SDC3: variants seen among roughly 807,000 people sequenced by gnomAD.
SDC3 encodes the protein syndecan 3.
SDC3 carries 13 observed loss-of-function variants against 24.4 expected under a neutral mutation model. The ratio of observed to expected loss-of-function variants is 0.53; its 90% CI spans 0.35 to 0.85. The LOEUF (loss-of-function observed/expected upper bound fraction) is 0.85, where lower values mean the gene tolerates loss of function less well. Among genes scored for constraint, SDC3 ranks in the 40% least tolerant of loss-of-function variants. The pLI is 0.01. For missense variants in SDC3, 571 were observed against 584.5 expected (o/e 0.98, Z 0.24); for synonymous variants, 295 against 260.9 (o/e 1.13, Z -1.26).
Position 30,908,533 on chromosome 1 carries a change from C to G in SDC3, c.54G>C (p.Gly18=). 3.2e-6 allele frequency: 3 copies of G among 935,482 alleles called. No individual in the cohort carries two copies. Among genetic ancestry groups the G allele is most frequent in the Non-Finnish European group, 3.8e-6 (3 of 790,018 alleles). 57.9% of individuals were successfully genotyped at this position (935,482 alleles called of 1,614,324 possible). A position where few individuals can be genotyped will look rare whatever the true frequency, so the allele number is the denominator to read the frequency against. ...RAGAAHGAGA[G]AGAAAGPGAR... The stretch of plus-strand genomic sequence containing the variant: ...CCCCGGGCCCGGCCGCGGCCCCGGC[C>G]CCGGCGCCGGCCCCGTGGGCGGCCC... Residue 18 remains glycine (G), a synonymous_variant, in exon 1 of 5, where the codon GGG becomes GGC. Coordinates refer to ENST00000339394, the MANE Select transcript of SDC3 (RefSeq NM_014654.4).
chr1:30,891,983 T>C (rs185152224), intron 1 of SDC3, among the ~76,000 whole-genome samples: 2 of 151,810 alleles, frequency 1.3e-5, no homozygotes, highest in African/African-American at 4.8e-5. Context: ...CCCTCAGCAA[T>C]GGGGTGCAGG....
At chr1:30,896,346 T>G (rs1443882273) in intron 1 of SDC3, among the ~76,000 whole-genome samples, 1 of 152,110 alleles carries the variant, frequency 6.6e-6, no homozygotes, top group Non-Finnish European at 1.5e-5. Context: ...AATGTAACCC[T>G]GAGGGGAACC....
At chr1:30,904,374 C>T (rs995629389) in intron 1 of SDC3, among the ~76,000 whole-genome samples, 1 of 152,146 alleles carries the variant, frequency 6.6e-6, no homozygotes, top group African/African-American at 2.4e-5. Context: ...AGCCCCCCCT[C>T]GCTCTCCCCA....
rs1169687777 is a variant in SDC3 at position 30,869,931 on chromosome 1, T to C, written c.*3280A>G. On this transcript the variant is annotated 3_prime_UTR_variant, in exon 5 of 5. Transcript: ENST00000339394. ...TGGTGCCAGGCAGGCACCTGGGGGA[T>C]GCTGGGGCCATCGGCTCTCAGATGG... The C allele has an allele frequency of 2.5e-6, 1 of 398,430 alleles. No homozygotes were observed. The highest frequency in any genetic ancestry group is 2.1e-5 in the African/African-American group (1 of 48,598). 24.7% of individuals were successfully genotyped at this position (398,430 alleles called of 1,614,324 possible).
At position 30,869,536 on chromosome 1, in the gene SDC3, CAAAAA is replaced by C. The variant is rs11338317; in HGVS notation, c.*3670_*3674del. 207 of 348,262 alleles carry C rather than the reference CAAAAA, an allele frequency of 5.9e-4. 1 individual carries two copies. Among genetic ancestry groups the C allele is most frequent in the East Asian group, 5.9e-3 (155 of 26,136 alleles). The allele number at this position is 348,262 out of a possible 1,614,324, so 21.6% of individuals were successfully genotyped here. On this transcript the variant is annotated 3_prime_UTR_variant, in exon 5 of 5. Transcript: ENST00000339394. ...AGGAAGTGTTAAAAAAACAAACAAA[CAAAAA>C]AAAAAAAAAAAAAAAAAAAACAAAA...
At chr1:30,874,022 G>T (rs1639587285) in intron 4 of SDC3, among the ~76,000 whole-genome samples, 1 of 152,148 alleles carries the variant, frequency 6.6e-6, no homozygotes, top group South Asian at 2.1e-4. Context: ...GGAAAGCAGG[G>T]ATCAAAGTCA....
At chr1:30,890,437 T>C (rs922673969) in intron 1 of SDC3, among the ~76,000 whole-genome samples, 1 of 152,192 alleles carries the variant, frequency 6.6e-6, no homozygotes, top group Admixed American at 6.5e-5. Context: ...ATGTCTGGGA[T>C]AGGCAAATCC....
At chr1:30,877,666 C>G (rs1385067080) in intron 2 of SDC3, 1 of 172,726 alleles carries the variant, frequency 5.8e-6, no homozygotes, top group Admixed American at 5.8e-5. Context: ...ACTGCTTGAG[C>G]AATCTGGCTG....
At chr1:30,893,283 A>C (rs1207237721) in intron 1 of SDC3, among the ~76,000 whole-genome samples, 9 of 32,038 alleles carry the variant, frequency 2.8e-4, no homozygotes, top group African/African-American at 3.5e-4. Context: ...CATGGTCCAT[A>C]CCCACCCCAC....
At chr1:30,891,850 C>CA (rs11433428) in intron 1 of SDC3, among the ~76,000 whole-genome samples, 42,547 of 118,526 alleles carry the variant, frequency 0.36, 8,239 homozygotes, top group Non-Finnish European at 0.46. Context: ...GAGACGCCGT[C>CA]AAAAAAAAAA....
Position 30,870,119 on chromosome 1 carries a change from G to A in SDC3, c.*3092C>T, listed in dbSNP as rs897940187. On this transcript the variant is annotated 3_prime_UTR_variant, in exon 5 of 5. Transcript: ENST00000339394. ...CCACTCCTACCCCATGAGGCAGAGGGTCTGCTCCCTGTGTCCAGGGGCCCC... is the reference window on the plus strand; with the variant it reads ...CCACTCCTACCCCATGAGGCAGAGGATCTGCTCCCTGTGTCCAGGGGCCCC... The A allele has an allele frequency of 7.7e-6, 3 of 390,706 alleles. No homozygotes were observed. Among genetic ancestry groups the A allele is most frequent in the African/African-American group, 6.2e-5 (3 of 48,446 alleles). 24.2% of individuals were successfully genotyped at this position (390,706 alleles called of 1,614,324 possible).
intron 1 of SDC3, among the ~76,000 whole-genome samples, chr1:30,882,567 C>A (rs1484811546): frequency 6.6e-6 from 1 of 152,212 alleles, no homozygotes; most frequent in Non-Finnish European, 1.5e-5. Flanking sequence ...CCAGGAGCAC[C>A]CCATCAGGGC....
rs887102512 is a variant in SDC3, at chr1:30,873,063, G to A, written c.*148C>T. 3.7e-5 allele frequency: 25 copies of A among 677,588 alleles called. No homozygotes were observed. Among genetic ancestry groups the A allele is most frequent in the Non-Finnish European group, 6.1e-5 (23 of 377,434 alleles). The allele number at this position is 677,588 out of a possible 1,614,324, so 42.0% of individuals were successfully genotyped here. ...CTTCCTCGGGGAAGATCTGTGTGAGGCTGGCAGCCTGGGCAGACCTTGGGA... is the reference window on the plus strand; with the variant it reads ...CTTCCTCGGGGAAGATCTGTGTGAGACTGGCAGCCTGGGCAGACCTTGGGA... On this transcript the variant is annotated 3_prime_UTR_variant, in exon 5 of 5. Coordinates refer to ENST00000339394, the MANE Select transcript of SDC3 (RefSeq NM_014654.4).
At position 30,870,145 on chromosome 1, in the gene SDC3, C is replaced by T. The variant is rs147029665; in HGVS notation, c.*3066G>A. 5 of 381,420 alleles carry T rather than the reference C, an allele frequency of 1.3e-5. No homozygotes were observed. Among genetic ancestry groups the T allele is most frequent in the African/African-American group, 8.3e-5 (4 of 48,416 alleles). The allele number at this position is 381,420 out of a possible 1,614,324, so 23.6% of individuals were successfully genotyped here. A position where few individuals can be genotyped will look rare whatever the true frequency, so the allele number is the denominator to read the frequency against. Reference sequence around the variant, plus strand: ...TCTGCTCCCTGTGTCCAGGGGCCCCCACCAGGAGGCCTGACAGGCGGCTTT... The same window carrying T: ...TCTGCTCCCTGTGTCCAGGGGCCCCTACCAGGAGGCCTGACAGGCGGCTTT... On this transcript the variant is annotated 3_prime_UTR_variant, in exon 5 of 5. Coordinates refer to ENST00000339394, the MANE Select transcript of SDC3 (RefSeq NM_014654.4).
At position 30,908,735 on chromosome 1, in the gene SDC3, T is replaced by A. The variant is rs183159929; in HGVS notation, c.-149A>T. 0.074 allele frequency: 12,809 copies of A among 173,038 alleles called. 729 individuals are homozygous for A. Among genetic ancestry groups the A allele is most frequent in the East Asian group, 0.28 (1,313 of 4,684 alleles). The allele number at this position is 173,038 out of a possible 1,614,324, so 10.7% of individuals were successfully genotyped here. A position where few individuals can be genotyped will look rare whatever the true frequency, so the allele number is the denominator to read the frequency against. The stretch of plus-strand genomic sequence containing the variant: ...CGGGCTCCCGGCTCGGCCGCCCGGC[T>A]CCGCCTCGCAGCTCCGCGCCCACAG... On this transcript the variant is annotated 5_prime_UTR_variant, in exon 1 of 5. Coordinates refer to ENST00000339394, the MANE Select transcript of SDC3 (RefSeq NM_014654.4).
chr1:30,888,283 C>T (rs987554873), intron 1 of SDC3, among the ~76,000 whole-genome samples: 9 of 152,126 alleles, frequency 5.9e-5, no homozygotes, highest in African/African-American at 1.9e-4. Context: ...CAGGGTGGGA[C>T]GTGGCAGTGG....
chr1:30,909,146 C>A (rs1484977053), upstream of SDC3, among the ~76,000 whole-genome samples: 1 of 152,194 alleles, frequency 6.6e-6, no homozygotes, highest in Non-Finnish European at 1.5e-5. Flanking sequence ...CCCCCTGTGG[C>A]TCCACGCACG....
chr1:30,899,023 G>A (rs112933361), intron 1 of SDC3, among the ~76,000 whole-genome samples: 38 of 152,350 alleles, frequency 2.5e-4, no homozygotes, highest in African/African-American at 9.1e-4. Context: ...CACTGGATCT[G>A]TCTGACAGAA....
At chr1:30,901,829 G>T (rs901126717) in intron 1 of SDC3, among the ~76,000 whole-genome samples, 20 of 152,118 alleles carry the variant, frequency 1.3e-4, no homozygotes, top group Non-Finnish European at 2.6e-4. Context: ...AACAAGATTT[G>T]CAGGAGCAGC....
Sources: allele counts gnomAD v4.1 joint callset (sites outside exome capture counted in the v4.1 genomes callset), GRCh38; gene constraint gnomAD v4.1.1; transcripts MANE v1.5; gene names NCBI Gene and HGNC (gene_info 2026-07-23, HGNC 2026-07-21).